NTM: variants seen among roughly 807,000 people sequenced by gnomAD.
The protein encoded by NTM is neurotrimin.
NTM carries 13 observed loss-of-function variants against 42.1 expected under a neutral mutation model. The ratio of observed to expected loss-of-function variants is 0.31; its 90% CI spans 0.20 to 0.49. NTM has a LOEUF of 0.49. Ranked by LOEUF, NTM falls within the 20% of genes least tolerant of loss-of-function variation. The pLI, the probability that NTM is intolerant of heterozygous loss-of-function variation, is 0.99. For synonymous variants in NTM, 187 were observed against 179.2 expected, an observed-to-expected ratio of 1.04 and a Z score of -0.35; for missense variants, 373 against 452.8, an observed-to-expected ratio of 0.82 and a Z score of 1.60.
intron 3 of NTM, among the ~76,000 whole-genome samples, chr11:132,186,651 T>A (rs2078446696): frequency 6.6e-6 from 1 of 152,250 alleles, no homozygotes; most frequent in Admixed American, 6.5e-5. Context: ...CCTCCTATTT[T>A]TTTTCTTTAA....
intron 1 of NTM, among the ~76,000 whole-genome samples, chr11:131,889,395 C>G (rs1388161564): frequency 2.0e-5 from 3 of 152,234 alleles, no homozygotes. Context: ...CCCAGCCAGG[C>G]TGGCCTCACA....
chr11:132,264,527 A>G (rs989897480), intron 4 of NTM, among the ~76,000 whole-genome samples: 1 of 152,202 alleles, frequency 6.6e-6, no homozygotes, highest in Non-Finnish European at 1.5e-5. Context: ...AAAATCTGTC[A>G]ATCTATTCCT....
intron 3 of NTM, 161 bp from the exon 4 acceptor site, chr11:132,211,845 AAAGCTAAATTAAAGGT>A (rs1180542340): frequency 6.3e-6 from 3 of 477,988 alleles, no homozygotes; most frequent in Non-Finnish European, 1.0e-5. Flanking sequence ...GGAGGAAATC[AAAGCTAAATTAAAGGT>A]AAGACTTTTT....
intron 3 of NTM, among the ~76,000 whole-genome samples, chr11:132,166,556 A>G (rs915361228): frequency 2.0e-5 from 3 of 152,220 alleles, no homozygotes; most frequent in African/African-American, 7.2e-5. Flanking sequence ...GTTTTCCTGC[A>G]GCTCAGAATG....
chr11:131,604,680 GGTC>G (rs2060779053), intron 1 of NTM, among the ~76,000 whole-genome samples: 1 of 141,348 alleles, frequency 7.1e-6, no homozygotes, highest in Non-Finnish European at 1.5e-5. Flanking sequence ...ATTATGTCAA[GGTC>G]CATGGTAAAA....
intron 1 of NTM, among the ~76,000 whole-genome samples, chr11:131,547,165 T>C (rs1377592128): frequency 6.6e-6 from 1 of 152,218 alleles, no homozygotes; most frequent in South Asian, 2.1e-4. Flanking sequence ...TTATTCTTAC[T>C]ATGTCTCATT....
intron 2 of NTM, among the ~76,000 whole-genome samples, chr11:132,012,294 C>A (rs956569192): frequency 2.0e-5 from 3 of 152,176 alleles, no homozygotes; most frequent in Non-Finnish European, 4.4e-5. Flanking sequence ...AATTTTATTA[C>A]TTTCAAGAAC....
chr11:131,579,756 G>A (rs947002560), intron 1 of NTM, among the ~76,000 whole-genome samples: 1 of 152,218 alleles, frequency 6.6e-6, no homozygotes, highest in African/African-American at 2.4e-5. Flanking sequence ...ACCTGGGGAA[G>A]GGCATACCTC....
At chr11:132,152,759 C>T (rs1228187034) in intron 3 of NTM, among the ~76,000 whole-genome samples, 2 of 152,182 alleles carry the variant, frequency 1.3e-5, no homozygotes, top group African/African-American at 4.8e-5. Flanking sequence ...TCAGTAAACT[C>T]ACCTGAGGTA....
At chr11:131,582,675 G>T (rs986552773) in intron 1 of NTM, among the ~76,000 whole-genome samples, 1 of 151,894 alleles carries the variant, frequency 6.6e-6, no homozygotes, top group Non-Finnish European at 1.5e-5. Context: ...AGGACAATTT[G>T]TGGTGCATAG....
At chr11:131,668,786 C>A (rs2134598124) in intron 1 of NTM, among the ~76,000 whole-genome samples, 1 of 152,312 alleles carries the variant, frequency 6.6e-6, no homozygotes, top group South Asian at 2.1e-4. Flanking sequence ...TCAGAATAAT[C>A]TTTCCACGAA....
chr11:132,048,388 G>A (rs1020341107), intron 2 of NTM, among the ~76,000 whole-genome samples: 12 of 152,264 alleles, frequency 7.9e-5, no homozygotes, highest in Admixed American at 4.6e-4. Flanking sequence ...TCCCTGTGTG[G>A]GGAATTGTTA....
chr11:132,180,936 G>C (rs2077482885), intron 3 of NTM, among the ~76,000 whole-genome samples: 1 of 152,136 alleles, frequency 6.6e-6, no homozygotes, highest in South Asian at 2.1e-4. Flanking sequence ...AGAAAGAAGT[G>C]ATCAATTTAG....
chr11:131,804,053 C>G (rs940069967), intron 1 of NTM, among the ~76,000 whole-genome samples: 1 of 152,198 alleles, frequency 6.6e-6, no homozygotes, highest in Non-Finnish European at 1.5e-5. Context: ...AAATCTGTCT[C>G]TCAGGCCTGC....
intron 3 of NTM, among the ~76,000 whole-genome samples, chr11:132,161,370 CTTTTTTTTTT>C (rs55732584): frequency 1.6e-4 from 10 of 64,064 alleles, no homozygotes; most frequent in African/African-American, 2.8e-4. Context: ...TTTCGAGCAG[CTTTTTTTTTT>C]TTTTTTTTTT....
chr11:131,782,550 A>G (rs2088362589), intron 1 of NTM, among the ~76,000 whole-genome samples: 1 of 152,126 alleles, frequency 6.6e-6, no homozygotes, highest in Non-Finnish European at 1.5e-5. Context: ...TTACAAGGAA[A>G]AAAGCTCTAT....
intron 2 of NTM, among the ~76,000 whole-genome samples, chr11:132,144,640 A>T (rs1036755255): frequency 2.0e-5 from 3 of 152,212 alleles, no homozygotes; most frequent in Non-Finnish European, 4.4e-5. Context: ...GGGTGAGACT[A>T]AGAATCTGTA....
chr11:131,633,616 T>TTTCC (rs2063905817), intron 1 of NTM, among the ~76,000 whole-genome samples: 1 of 41,994 alleles, frequency 2.4e-5, no homozygotes, highest in Non-Finnish European at 6.0e-5. Flanking sequence ...TCTCTCACTC[T>TTTCC]CTCCCTCTCT....
chr11:132,062,800 T>C (rs1168668353), intron 2 of NTM, among the ~76,000 whole-genome samples: 1 of 152,134 alleles, frequency 6.6e-6, no homozygotes, highest in Non-Finnish European at 1.5e-5. Context: ...TGCAAGTCAA[T>C]AGAAATGAAG....
Sources: allele counts gnomAD v4.1 joint callset (sites outside exome capture counted in the v4.1 genomes callset), GRCh38; gene constraint gnomAD v4.1.1; transcripts MANE v1.5; gene names NCBI Gene and HGNC (gene_info 2026-07-23, HGNC 2026-07-21).